WWC1: variants seen among roughly 807,000 people sequenced by gnomAD.
The protein encoded by WWC1 is WW and C2 domain containing 1.
WWC1 carries 55 observed loss-of-function variants against 138.4 expected under a neutral mutation model. The ratio of observed to expected loss-of-function variants is 0.40; its 90% CI spans 0.32 to 0.50. The LOEUF (loss-of-function observed/expected upper bound fraction) is 0.50. Ranked by LOEUF, WWC1 falls within the 20% of genes least tolerant of loss-of-function variation. WWC1 has a pLI of 0.72. For synonymous variants in WWC1, 524 were observed against 564.9 expected, an observed-to-expected ratio of 0.93 and a Z score of 1.03; for missense variants, 1,226 against 1,420.4, an observed-to-expected ratio of 0.86 and a Z score of 2.20.
At chr5:168,431,679 G>A (rs1361807361) in intron 15 of WWC1, among the ~76,000 whole-genome samples, 1 of 152,204 alleles carries the variant, frequency 6.6e-6, no homozygotes, top group East Asian at 1.9e-4. Flanking sequence ...TTTCACAAGA[G>A]GAAGAGTAAT....
At chr5:168,322,455 A>G (rs576918803) in intron 1 of WWC1, among the ~76,000 whole-genome samples, 1 of 152,302 alleles carries the variant, frequency 6.6e-6, no homozygotes, top group East Asian at 1.9e-4. Context: ...CCTTATTTGC[A>G]GAAACAGGCA....
intron 1 of WWC1, among the ~76,000 whole-genome samples, chr5:168,313,559 C>G (rs956656114): frequency 3.3e-5 from 5 of 151,678 alleles, no homozygotes; most frequent in Non-Finnish European, 7.4e-5. Context: ...CCACTGCACT[C>G]CAGCCTGGGT....
intron 1 of WWC1, among the ~76,000 whole-genome samples, chr5:168,343,689 G>A (rs1774234665): frequency 2.0e-5 from 3 of 152,114 alleles, no homozygotes; most frequent in Admixed American, 2.0e-4. Flanking sequence ...GGGCGTGGTG[G>A]CGTGTGCCTG....
intron 1 of WWC1, among the ~76,000 whole-genome samples, chr5:168,294,372 C>G (rs902793068): frequency 6.6e-6 from 1 of 151,906 alleles, no homozygotes; most frequent in African/African-American, 2.4e-5. Flanking sequence ...AAATGGGAAA[C>G]TAGTTATATC....
chr5:168,311,005 C>T (rs1419099179), intron 1 of WWC1, among the ~76,000 whole-genome samples: 1 of 152,118 alleles, frequency 6.6e-6, no homozygotes, highest in Non-Finnish European at 1.5e-5. Flanking sequence ...TGCCCATCAC[C>T]CTTGCAGGTG....
chr5:168,455,338 G>A lies in WWC1; in HGVS notation c.2659-18G>A, dbSNP rs201188509. 228 of 1,559,324 alleles carry A rather than the reference G, an allele frequency of 1.5e-4. No individual in the cohort carries two copies. In the African/African-American group the frequency reaches 2.6e-3, roughly 18 times the overall value. ...CTCTGTGGACACTGGTGGCTTCAAG[G>A]TGTGACTTCTTCCTCAGGTGGACAA... is the stretch of plus-strand genomic sequence containing the variant. On this transcript the variant is annotated intron_variant, in intron 18 of 22. Transcript: ENST00000265293.
intron 1 of WWC1, among the ~76,000 whole-genome samples, chr5:168,338,988 A>G (rs1773744276): frequency 6.6e-6 from 1 of 152,232 alleles, no homozygotes; most frequent in Non-Finnish European, 1.5e-5. Context: ...CCCAACACAA[A>G]TAAATGAGAA....
chr5:168,296,543 AC>A (rs1311985638), intron 1 of WWC1, among the ~76,000 whole-genome samples: 8 of 152,106 alleles, frequency 5.3e-5, no homozygotes, highest in Non-Finnish European at 1.2e-4. Flanking sequence ...CAGGTTCATA[AC>A]CCCTGCCATA....
chr5:168,465,092 G>A (rs889345256), intron 21 of WWC1, 130 bp downstream of exon 21: 4 of 1,357,060 alleles, frequency 2.9e-6, no homozygotes. Context: ...CACTGAGGGT[G>A]TTCCACCCAT....
intron 8 of WWC1, chr5:168,411,592 C>T (rs1303310161): frequency 1.3e-5 from 2 of 152,172 alleles, no homozygotes; most frequent in African/African-American, 4.8e-5. Flanking sequence ...CTTTTCTTCA[C>T]CCTGCTTGCC....
intron 8 of WWC1, 53 bp downstream of exon 8, chr5:168,410,048 T>C (rs891787057): frequency 1.3e-6 from 2 of 1,545,588 alleles, no homozygotes; most frequent in Non-Finnish European, 1.8e-6. Context: ...TAACTACTAT[T>C]GTAGAATGCC....
Position 168,292,175 on chromosome 5 carries a change from T to G in WWC1, c.23T>G (p.Leu8Arg), listed in dbSNP as rs1769102475. MPRPELP[L>R]PEGWEEARDF... is the part of the protein sequence containing the mutation. Reference sequence around the variant, plus strand: ...AAGATGCCCCGGCCGGAGCTGCCCCTGCCGGAGGGCTGGGAGGAGGCGCGC... The same window carrying G: ...AAGATGCCCCGGCCGGAGCTGCCCCGGCCGGAGGGCTGGGAGGAGGCGCGC... The change falls in exon 1 of 23, where the codon CTG becomes CGG. Residue 8 changes from leucine to arginine, a missense_variant. Leu to Arg is a moderately radical substitution (Grantham distance 102). Transcript: ENST00000265293. The surrounding 1 kb of genome is among the most constrained non-coding windows in gnomAD (Gnocchi z 4.4). 3 of 1,547,018 alleles carry G rather than the reference T, an allele frequency of 1.9e-6. No individual in the cohort carries two copies. Among genetic ancestry groups the G allele is most frequent in the Non-Finnish European group, 2.6e-6 (3 of 1,145,756 alleles).
chr5:168,301,360 GTGCAGTGGC>G (rs1770053091), intron 1 of WWC1, among the ~76,000 whole-genome samples: 1 of 152,210 alleles, frequency 6.6e-6, no homozygotes, highest in Admixed American at 6.5e-5. Context: ...GTGGGACTGG[GTGCAGTGGC>G]TGACACCTGT....
rs537805817 is a variant in WWC1 at position 168,350,071 on chromosome 5, A to G, written c.120-21353A>G. Among the ~76,000 whole-genome samples, 3 of 152,228 alleles carry G rather than the reference A, an allele frequency of 2.0e-5. 1 individual carries two copies. The South Asian group carries it at 6.2e-4, about 32-fold the overall frequency. On this transcript the variant is annotated intron_variant, in intron 1 of 22. Transcript: ENST00000265293. ...TCAGCTAAATTGGACATTAAATACT[A>G]GAGGAATGGATTGGTTCACATACTG...
intron 19 of WWC1, among the ~76,000 whole-genome samples, chr5:168,458,745 G>A (rs2085449): frequency 0.42 from 63,925 of 151,972 alleles, 13,795 homozygotes; most frequent in Middle Eastern, 0.54. Context: ...ATAATAAGGT[G>A]ACAACATTCT....
intron 1 of WWC1, among the ~76,000 whole-genome samples, chr5:168,310,473 G>A (rs975624589): frequency 1.7e-4 from 25 of 151,412 alleles, no homozygotes; most frequent in African/African-American, 5.8e-4. Flanking sequence ...TATAGAAATT[G>A]TACATATAAT....
intron 11 of WWC1, 141 bp from the exon 12 acceptor site, chr5:168,427,892 T>C: frequency 5.0e-6 from 3 of 602,280 alleles, no homozygotes; most frequent in Non-Finnish European, 9.0e-6. Context: ...CCCGAAGTGG[T>C]CGAGGCTGCA....
At chr5:168,323,508 C>G (rs1772292281) in intron 1 of WWC1, among the ~76,000 whole-genome samples, 1 of 151,898 alleles carries the variant, frequency 6.6e-6, no homozygotes. Flanking sequence ...GATTATGCCA[C>G]TGTATTCCAG....
chr5:168,445,179 TG>T (rs141099524), intron 17 of WWC1, among the ~76,000 whole-genome samples: 11,193 of 151,768 alleles, frequency 0.074, 480 homozygotes, highest in African/African-American at 0.12. Context: ...CTGGGCATGG[TG>T]GGGCACGCCT....
Sources: gnomAD v4.1 joint callset for allele counts (sites outside exome capture counted in the v4.1 genomes callset) on GRCh38, gnomAD v4.1.1 for gene constraint, Gnocchi (gnomAD v3.1) non-coding constraint, MANE v1.5 for transcripts, NCBI Gene and HGNC (gene_info 2026-07-23, HGNC 2026-07-21) for gene names.